Variants in KLRG1 observed in about 807,000 individuals in gnomAD.
KLRG1 encodes killer cell lectin-like receptor subfamily G member 1.
Under a neutral mutation model 21.8 loss-of-function variants are expected in KLRG1, and 16 were observed. That is an observed-to-expected ratio of 0.73 (90% CI 0.50 to 1.11). The LOEUF (loss-of-function observed/expected upper bound fraction) is 1.11. Among genes scored for constraint, KLRG1 ranks in the 50% most tolerant of loss-of-function variants. The probability of loss-of-function intolerance (pLI) is 0.00; values close to 1 mark genes in which losing one functional copy is unlikely to be tolerated. For synonymous variants in KLRG1, 69 were observed against 75.9 expected, an observed-to-expected ratio of 0.91 and a Z score of 0.47; for missense variants, 173 against 218.3, an observed-to-expected ratio of 0.79 and a Z score of 1.31.
rs1435122069 is a variant in KLRG1, at chr12:8,989,737, A to G, written c.82+20A>G. On this transcript the variant is annotated intron_variant, in intron 1 of 4. Coordinates refer to ENST00000356986, the MANE Select transcript of KLRG1 (RefSeq NM_005810.4). The stretch of plus-strand genomic sequence containing the variant: ...AAAAATGTGAGTTAACCAAGGTAGC[A>G]TGGAAGACGATGCATAGCAACAGTA... The G allele has an allele frequency of 3.6e-6, 5 of 1,402,218 alleles. No homozygotes were observed. The highest frequency in any genetic ancestry group is 1.2e-5 in the South Asian group (1 of 85,204). The allele number at this position is 1,402,218 out of a possible 1,614,324, so 86.9% of individuals were successfully genotyped here.
the KLRG1 span, chr12:9,101,298 C>T: frequency 0.95 from 1,325,930 of 1,400,358 alleles, 628,466 homozygotes; most frequent in South Asian, 0.97. Flanking sequence ...GAGTCCCTGC[C>T]GGCAATAATT....
the KLRG1 span, chr12:9,113,507 AG>A: frequency 6.2e-7 from 1 of 1,613,846 alleles, no homozygotes. Flanking sequence ...CAGTGGTCTC[AG>A]TGTGGAGCAG....
At chr12:8,986,321 T>G (rs1211027582), upstream of KLRG1, among the ~76,000 whole-genome samples, 10 of 152,088 alleles carry the variant, frequency 6.6e-5, no homozygotes, top group Admixed American at 6.6e-4. Flanking sequence ...TGGAAGTGAG[T>G]CTCTTATCCC....
At position 8,976,389 on chromosome 12, in the gene KLRG1, C is replaced by T. The variant is rs373649819; in HGVS notation, c.-155-15817C>T. 1.2e-4 allele frequency among the ~76,000 whole-genome samples: 18 copies of T among 152,286 alleles called. 1 individual carries two copies. In the East Asian group the frequency reaches 2.5e-3, roughly 21 times the overall value. ...CTTGTTTTGTGACCTGACATGTGAT[C>T]TATCCTGGAGAATGTTCTCTGTGCT... On this transcript the variant is annotated intron_variant, in intron 1 of 4. Coordinates refer to the KLRG1 transcript ENST00000539240.
the KLRG1 span, among the ~76,000 whole-genome samples, chr12:9,025,770 T>A: frequency 6.6e-6 from 1 of 152,094 alleles, no homozygotes. Context: ...CCCTTCCCCA[T>A]GGAAGAAGGA....
rs1946636330 is a variant in KLRG1 at position 8,975,062 on chromosome 12, A to C, written c.-155-17144A>C. On this transcript the variant is annotated intron_variant, in intron 1 of 4. Transcript: ENST00000539240. ...AGGCACCTGTCACCATGCCTGGCTA[A>C]TTTTTTTTTGTATTTTTAGTAGAGA... Among the ~76,000 whole-genome samples the C allele has an allele frequency of 4.6e-5, 7 of 150,820 alleles. No homozygotes were observed. In the South Asian group the frequency reaches 1.5e-3, roughly 32 times the overall value.
the KLRG1 span, among the ~76,000 whole-genome samples, chr12:9,083,577 G>C: frequency 1.3e-4 from 20 of 151,868 alleles, no homozygotes; most frequent in Non-Finnish European, 2.5e-4. Flanking sequence ...CTCAAAGATA[G>C]AGTATTTGGA....
the KLRG1 span, chr12:9,181,185 T>C: frequency 6.2e-7 from 1 of 1,609,624 alleles, no homozygotes; most frequent in Non-Finnish European, 8.5e-7. Context: ...TCTGTGATCT[T>C]GCAGTCACCT....
chr12:9,142,870 AT>A, the KLRG1 span, among the ~76,000 whole-genome samples: 6 of 152,154 alleles, frequency 3.9e-5, no homozygotes, highest in Non-Finnish European at 8.8e-5. Context: ...CCCAAATGGG[AT>A]TTGTGGCAAC....
chr12:9,068,674 T>A, the KLRG1 span: 10 of 1,276,962 alleles, frequency 7.8e-6, no homozygotes, highest in African/African-American at 5.9e-5. Context: ...CCCCAACACA[T>A]CTCCTAAACC....
intron 3 of KLRG1, among the ~76,000 whole-genome samples, chr12:8,995,543 G>T (rs903323461): frequency 6.6e-5 from 10 of 152,056 alleles, no homozygotes; most frequent in African/African-American, 2.4e-4. Context: ...CCAGATGCTT[G>T]TATAGCATGT....
At chr12:9,196,811 G>T in the KLRG1 span, 1 of 828,002 alleles carries the variant, frequency 1.2e-6, no homozygotes, top group Non-Finnish European at 2.0e-6. Context: ...TGACCTTCGA[G>T]AACTTAATAC....
chr12:9,156,686 C>T, the KLRG1 span, among the ~76,000 whole-genome samples: 1 of 152,170 alleles, frequency 6.6e-6, no homozygotes, highest in Non-Finnish European at 1.5e-5. Flanking sequence ...ATGTTCTGCT[C>T]TGTGTAACAT....
At chr12:9,110,014 C>T in the KLRG1 span, 44 of 1,611,512 alleles carry the variant, frequency 2.7e-5, no homozygotes, top group Middle Eastern at 1.6e-4. Context: ...TGCCATTGTG[C>T]GATGCGATTT....
the KLRG1 span, among the ~76,000 whole-genome samples, chr12:9,213,518 A>G: frequency 6.6e-6 from 1 of 152,100 alleles, no homozygotes; most frequent in African/African-American, 2.4e-5. Context: ...TTTTAGAATG[A>G]TAGCCATAGT....
At chr12:9,168,671 C>T in the KLRG1 span, 312,706 of 483,280 alleles carry the variant, frequency 0.65, 103,877 homozygotes, top group East Asian at 0.84. Flanking sequence ...CCTGAAGTAT[C>T]GGATGTATCT....
the KLRG1 span, chr12:9,196,374 T>G: frequency 6.2e-7 from 1 of 1,613,842 alleles, no homozygotes; most frequent in South Asian, 1.1e-5. Flanking sequence ...GAATCCACTT[T>G]CACGAATTTG....
the KLRG1 span, among the ~76,000 whole-genome samples, chr12:9,148,435 T>G: frequency 2.6e-5 from 4 of 152,166 alleles, no homozygotes; most frequent in African/African-American, 9.7e-5. Flanking sequence ...TGTAGATGGT[T>G]TATCTAAATC....
chr12:9,164,176 A>G, the KLRG1 span: 1 of 1,610,940 alleles, frequency 6.2e-7, no homozygotes, highest in African/African-American at 1.3e-5. Flanking sequence ...TTTGTCTCTC[A>G]TTTCCACAGA....
Sources: allele counts gnomAD v4.1 joint callset (sites outside exome capture counted in the v4.1 genomes callset), GRCh38; gene constraint gnomAD v4.1.1; transcripts MANE v1.5; gene names NCBI Gene and HGNC (gene_info 2026-07-23, HGNC 2026-07-21).